The following HDAC4 variants were observed in gnomAD, a reference collection of about 807,000 sequenced individuals.
HDAC4 encodes the protein histone deacetylase 4.
In HDAC4, 16 loss-of-function variants were observed where a neutral mutation model predicts 135.1. That is an observed-to-expected ratio of 0.12 (90% CI 0.08 to 0.18). HDAC4 has a LOEUF of 0.18. Among genes scored for constraint, HDAC4 ranks in the 10% least tolerant of loss-of-function variants. HDAC4 has a pLI of 1.00. For synonymous variants in HDAC4, 685 were observed against 653.4 expected, an observed-to-expected ratio of 1.05 and a Z score of -0.74; for missense variants, 1,143 against 1,511.8, an observed-to-expected ratio of 0.76 and a Z score of 4.05.
At chr2:239,267,474 A>C (rs1483611725) in intron 2 of HDAC4, among the ~76,000 whole-genome samples, 2 of 152,212 alleles carry the variant, frequency 1.3e-5, no homozygotes, top group African/African-American at 4.8e-5. Context: ...GGACTCCCCA[A>C]ACCCTTGAGG....
intron 1 of HDAC4, among the ~76,000 whole-genome samples, chr2:239,374,775 A>G (rs1694890181): frequency 6.6e-6 from 1 of 152,218 alleles, no homozygotes; most frequent in Admixed American, 6.5e-5. Context: ...AATATCAAAG[A>G]TAATCAGAAG....
At chr2:239,369,166 G>A (rs977931105) in intron 1 of HDAC4, among the ~76,000 whole-genome samples, 2 of 152,176 alleles carry the variant, frequency 1.3e-5, no homozygotes, top group Admixed American at 6.5e-5. Flanking sequence ...AGGAGGGAAG[G>A]CTTGGACAGA....
At chr2:239,239,049 G>A (rs1048751771) in intron 2 of HDAC4, among the ~76,000 whole-genome samples, 8 of 152,260 alleles carry the variant, frequency 5.3e-5, no homozygotes, top group South Asian at 4.1e-4. Flanking sequence ...GTATACTGGC[G>A]GGTGGGGTGG....
chr2:239,182,267 G>GC (rs1395798466), intron 4 of HDAC4, among the ~76,000 whole-genome samples: 1 of 152,176 alleles, frequency 6.6e-6, no homozygotes, highest in Non-Finnish European at 1.5e-5. Context: ...GTCATGGCGA[G>GC]CCCCTCCCCT....
chr2:239,192,715 C>T (rs2045080990), intron 3 of HDAC4, among the ~76,000 whole-genome samples: 1 of 152,180 alleles, frequency 6.6e-6, no homozygotes, highest in Non-Finnish European at 1.5e-5. Flanking sequence ...GCACGCGGTT[C>T]TCCTGGGACC....
At chr2:239,361,871 T>C (rs1693890381) in intron 1 of HDAC4, among the ~76,000 whole-genome samples, 1 of 152,234 alleles carries the variant, frequency 6.6e-6, no homozygotes, top group Admixed American at 6.5e-5. Context: ...ATGTGTCTAA[T>C]GATACTTCAC....
At chr2:239,219,955 CAGG>C (rs912072488) in intron 3 of HDAC4, among the ~76,000 whole-genome samples, 3 of 152,248 alleles carry the variant, frequency 2.0e-5, no homozygotes, top group African/African-American at 7.2e-5. Context: ...AGCAAACACA[CAGG>C]AGGTGTGCAT....
chr2:239,216,618 AC>A (rs1245069437), intron 3 of HDAC4, among the ~76,000 whole-genome samples: 5 of 152,232 alleles, frequency 3.3e-5, no homozygotes, highest in Admixed American at 3.3e-4. Context: ...TTGCTCTTGA[AC>A]TGAATGTCCT....
At position 239,208,382 on chromosome 2, in the gene HDAC4, A is replaced by G. The variant is rs181857890; in HGVS notation, c.95-18305T>C. On this transcript the variant is annotated intron_variant, in intron 3 of 26. Transcript: ENST00000543185. ...CACAAGAAAAGCAACCTATGTACAA[A>G]CCACCTATAAATCCAACTCACCGTT... 5.9e-5 allele frequency among the ~76,000 whole-genome samples: 9 copies of G among 151,922 alleles called. No homozygotes were observed. In the East Asian group the frequency reaches 1.5e-3, roughly 26 times the overall value.
In HDAC4 at chr2:239,048,226, G is replaced by C. The variant is rs1035448084; in HGVS notation, c.*4871C>G. The C allele has an allele frequency of 1.3e-5, 2 of 152,272 alleles. No homozygotes were observed. Among genetic ancestry groups the C allele is most frequent in the African/African-American group, 4.8e-5 (2 of 41,460 alleles). 9.4% of individuals were successfully genotyped at this position (152,272 alleles called of 1,614,324 possible). On this transcript the variant is annotated 3_prime_UTR_variant, in exon 27 of 27. Transcript: ENST00000543185. ...CACAAGATAACACGTTGCGTGATGT[G>C]GTACAGAATACTGGACTCCAGTGAA...
In HDAC4 at chr2:239,221,186, C is replaced by T. The variant is rs146520597; in HGVS notation, c.94+15407G>A. Among the ~76,000 whole-genome samples, 91 of 152,266 alleles carry T rather than the reference C, an allele frequency of 6.0e-4. 1 individual carries two copies. The highest frequency in any genetic ancestry group is 2.1e-3 in the African/African-American group (86 of 41,530). The stretch of plus-strand genomic sequence containing the variant: ...ATGGTATTAGTGTTCTTGCGAATAC[C>T]ATTTAGAAGAATAAAAGAGAAGCGA... On this transcript the variant is annotated intron_variant, in intron 3 of 26. Coordinates refer to ENST00000543185, the MANE Select transcript of HDAC4 (RefSeq NM_001378414.1).
chr2:239,200,015 G>C (rs527988462), intron 3 of HDAC4, among the ~76,000 whole-genome samples: 14 of 152,176 alleles, frequency 9.2e-5, no homozygotes, highest in Non-Finnish European at 1.8e-4. Context: ...TGGGATTACA[G>C]GCGTGAGCCA....
chr2:239,293,160 A>T (rs1433360391), intron 2 of HDAC4, among the ~76,000 whole-genome samples: 1 of 152,108 alleles, frequency 6.6e-6, no homozygotes, highest in Non-Finnish European at 1.5e-5. Flanking sequence ...GCGTTTCCCA[A>T]AGGGCATCCC....
intron 3 of HDAC4, among the ~76,000 whole-genome samples, chr2:239,212,500 G>A (rs990054029): frequency 6.6e-6 from 1 of 152,232 alleles, no homozygotes; most frequent in African/African-American, 2.4e-5. Context: ...GCTGACCAGA[G>A]AGCTGAAGCC....
intron 1 of HDAC4, among the ~76,000 whole-genome samples, chr2:239,356,867 AAATAAAAT>A (rs1456164789): frequency 1.3e-5 from 2 of 152,176 alleles, no homozygotes; most frequent in Non-Finnish European, 2.9e-5. Context: ...ACAAGGTATA[AAATAAAAT>A]AATAATATAA....
At chr2:239,271,716 T>C (rs543448261) in intron 2 of HDAC4, among the ~76,000 whole-genome samples, 2 of 152,312 alleles carry the variant, frequency 1.3e-5, no homozygotes, top group South Asian at 2.1e-4. Flanking sequence ...CGAAGACAGG[T>C]TGCCCTTCAT....
chr2:239,094,066 C>A, intron 17 of HDAC4: 1 of 985,442 alleles, frequency 1.0e-6, no homozygotes, highest in Non-Finnish European at 1.2e-6. Context: ...CTTCACCCTG[C>A]GATCAGTGAT....
At chr2:239,216,211 CAT>C (rs1324289133) in intron 3 of HDAC4, among the ~76,000 whole-genome samples, 3 of 151,604 alleles carry the variant, frequency 2.0e-5, no homozygotes, top group Admixed American at 6.6e-5. Flanking sequence ...CACACACACA[CAT>C]AGATATTCAC....
intron 3 of HDAC4, among the ~76,000 whole-genome samples, chr2:239,210,459 A>G (rs2046303311): frequency 6.6e-6 from 1 of 152,204 alleles, no homozygotes; most frequent in Non-Finnish European, 1.5e-5. Flanking sequence ...TTTTTTAAAG[A>G]AAGTAACTCA....
Sources: gnomAD v4.1 joint callset for allele counts (sites outside exome capture counted in the v4.1 genomes callset) on GRCh38, gnomAD v4.1.1 for gene constraint, MANE v1.5 for transcripts, NCBI Gene and HGNC (gene_info 2026-07-23, HGNC 2026-07-21) for gene names.